FAM184B: variants seen among roughly 807,000 people sequenced by gnomAD.
FAM184B encodes family with sequence similarity 184 member B.
Under a neutral mutation model 135.9 loss-of-function variants are expected in FAM184B, and 111 were observed. The observed-to-expected ratio is 0.82, with a 90% CI of 0.70 to 0.96. The LOEUF (loss-of-function observed/expected upper bound fraction) is 0.96, where lower values mean the gene tolerates loss of function less well. Ranked by LOEUF, FAM184B falls within the 40% of genes least tolerant of loss-of-function variation. The pLI is 0.00. For synonymous variants in FAM184B, 552 were observed against 524.8 expected (o/e 1.05, Z -0.71); for missense variants, 1,375 against 1,323.9 (o/e 1.04, Z -0.60).
chr4:17,697,413 A>G (rs564565253), intron 5 of FAM184B, among the ~76,000 whole-genome samples: 3 of 140,412 alleles, frequency 2.1e-5, no homozygotes, highest in Non-Finnish European at 4.6e-5. Flanking sequence ...AGAAGAAAAA[A>G]AAACCCTGGA....
chr4:17,746,354 T>C (rs1264678935), intron 1 of FAM184B, among the ~76,000 whole-genome samples: 2 of 152,134 alleles, frequency 1.3e-5, no homozygotes, highest in Non-Finnish European at 2.9e-5. Context: ...CTCTACACAT[T>C]ATGTGAATGA....
Position 17,774,134 on chromosome 4 carries a change from T to C in FAM184B, c.141+7025A>G, listed in dbSNP as rs560865698. Among the ~76,000 whole-genome samples, 13 of 152,240 alleles carry C rather than the reference T, an allele frequency of 8.5e-5. No homozygotes were observed. In the South Asian group the frequency reaches 2.7e-3, roughly 32 times the overall value. On this transcript the variant is annotated intron_variant, in intron 1 of 17. Coordinates refer to ENST00000265018, the MANE Select transcript of FAM184B (RefSeq NM_015688.2). ...GCTCACGCCTGCAACCCTAGCACTC[T>C]GGAAGGCTGAGGTGGGAGGATTTCT...
At chr4:17,693,077 G>A (rs903785860) in intron 6 of FAM184B, among the ~76,000 whole-genome samples, 3 of 151,678 alleles carry the variant, frequency 2.0e-5, no homozygotes, top group African/African-American at 7.3e-5. Flanking sequence ...CAACACCAGC[G>A]GCCTCCTGTG....
rs565196641 is a variant in FAM184B, at chr4:17,650,932, C to T, written c.2191+1898G>A. Among the ~76,000 whole-genome samples, 14 of 152,080 alleles carry T rather than the reference C, an allele frequency of 9.2e-5. No homozygotes were observed. In the South Asian group the frequency reaches 2.5e-3, roughly 27 times the overall value. On this transcript the variant is annotated intron_variant, in intron 11 of 17. Transcript: ENST00000265018. Reference sequence around the variant, plus strand: ...TTTTTTTAAAGAGATGGGGGTCTTGCTATGTTGTCCAGGCTGGTCTTGAAC... The same window carrying T: ...TTTTTTTAAAGAGATGGGGGTCTTGTTATGTTGTCCAGGCTGGTCTTGAAC...
At chr4:17,708,714 C>A (rs113156057) in intron 2 of FAM184B, among the ~76,000 whole-genome samples, 178 bp downstream of exon 2, 3 of 57,054 alleles carry the variant, frequency 5.3e-5, no homozygotes, top group African/African-American at 7.1e-5. Context: ...TATATAGTGT[C>A]TGTGTGTGTG....
chr4:17,742,127 T>C (rs1046396853), intron 1 of FAM184B, among the ~76,000 whole-genome samples: 1 of 115,274 alleles, frequency 8.7e-6, no homozygotes, highest in East Asian at 2.5e-4. Flanking sequence ...TACATATACA[T>C]ATACATATGA....
intron 1 of FAM184B, among the ~76,000 whole-genome samples, chr4:17,735,383 T>A (rs936484046): frequency 4.5e-4 from 69 of 152,092 alleles, no homozygotes; most frequent in African/African-American, 1.5e-3. Context: ...ATAAAAAAAA[T>A]TTTCATTTTT....
intron 5 of FAM184B, among the ~76,000 whole-genome samples, chr4:17,695,116 T>A (rs1186057133): frequency 6.6e-6 from 1 of 151,358 alleles, no homozygotes; most frequent in African/African-American, 2.4e-5. Context: ...AGGAGTGACG[T>A]GGTTGCAATT....
At chr4:17,715,780 T>TA (rs999212747) in intron 1 of FAM184B, among the ~76,000 whole-genome samples, 2 of 150,510 alleles carry the variant, frequency 1.3e-5, no homozygotes, top group East Asian at 2.0e-4. Context: ...CTTGTCAGTT[T>TA]AAAAAAAAAG....
rs139310830 is a variant in FAM184B, at chr4:17,737,576, A to C, written c.142-27932T>G. ...ATAGAATTTTAAGATCGTAAGCAAG[A>C]TATCACCAGGATCACCTTCCTCATT... is the stretch of plus-strand genomic sequence containing the variant. On this transcript the variant is annotated intron_variant, in intron 1 of 17. Transcript: ENST00000265018. Among the ~76,000 whole-genome samples the C allele has an allele frequency of 1.5e-4, 23 of 152,328 alleles. 1 individual carries two copies. In the East Asian group the frequency reaches 2.1e-3, roughly 14 times the overall value.
chr4:17,661,981 C>T (rs1200509947), intron 8 of FAM184B, among the ~76,000 whole-genome samples: 1 of 152,200 alleles, frequency 6.6e-6, no homozygotes, highest in Non-Finnish European at 1.5e-5. Context: ...ACATCTCAAT[C>T]AAAATAAAGA....
In FAM184B at chr4:17,632,633, C is replaced by A. The variant is rs200853092; in HGVS notation, c.3090-8G>T. 4.6e-6 allele frequency: 7 copies of A among 1,527,454 alleles called. No homozygotes were observed. The highest frequency in any genetic ancestry group is 1.4e-5 in the African/African-American group (1 of 72,100). The allele number at this position is 1,527,454 out of a possible 1,614,324, so 94.6% of individuals were successfully genotyped here. A position where few individuals can be genotyped will look rare whatever the true frequency, so the allele number is the denominator to read the frequency against. On this transcript the variant is annotated splice_region_variant and splice_polypyrimidine_tract_variant and intron_variant, in intron 17 of 17. Coordinates refer to ENST00000265018, the MANE Select transcript of FAM184B (RefSeq NM_015688.2). ...GTTTCACCATCTGGGGTCCTAAAAG[C>A]AAAAAAAGGTTTTTTTATATGGTTT...
chr4:17,635,537 A>G (rs1715098565), intron 15 of FAM184B, among the ~76,000 whole-genome samples: 1 of 151,874 alleles, frequency 6.6e-6, no homozygotes, highest in Non-Finnish European at 1.5e-5. Context: ...TACCTATAAT[A>G]ACTATATGGC....
At chr4:17,755,695 T>G (rs1268452230) in intron 1 of FAM184B, among the ~76,000 whole-genome samples, 3 of 152,152 alleles carry the variant, frequency 2.0e-5, no homozygotes, top group African/African-American at 7.2e-5. Flanking sequence ...AAAGAAAATG[T>G]GGTACATATA....
Position 17,664,687 on chromosome 4 carries a change from A to G in FAM184B, c.1597-28T>C, listed in dbSNP as rs1385939717. On this transcript the variant is annotated intron_variant, in intron 7 of 17. Coordinates refer to ENST00000265018, the MANE Select transcript of FAM184B (RefSeq NM_015688.2). ...AAGGCCAAAAAAGAAAAAGAAAAAAAAAAAAAAGGCAAGATGAGCTTAAGT... is the reference window on the plus strand; with the variant it reads ...AAGGCCAAAAAAGAAAAAGAAAAAAGAAAAAAAGGCAAGATGAGCTTAAGT... 51 of 1,510,452 alleles carry G rather than the reference A, an allele frequency of 3.4e-5. 1 individual carries two copies. Among genetic ancestry groups the G allele is most frequent in the Admixed American group, 1.1e-4 (5 of 45,834 alleles). The allele number at this position is 1,510,452 out of a possible 1,614,324, so 93.6% of individuals were successfully genotyped here.
At chr4:17,634,597 T>TA (rs369253437) in intron 16 of FAM184B, among the ~76,000 whole-genome samples, 5 of 152,336 alleles carry the variant, frequency 3.3e-5, no homozygotes, top group South Asian at 2.1e-4. Flanking sequence ...GTGCTGGGAT[T>TA]ACAGGTGTGA....
intron 1 of FAM184B, among the ~76,000 whole-genome samples, chr4:17,771,577 T>G (rs1235758029): frequency 6.6e-6 from 1 of 152,200 alleles, no homozygotes; most frequent in Non-Finnish European, 1.5e-5. Flanking sequence ...AACAAGCTCC[T>G]GCAAGCAAGA....
chr4:17,717,729 G>A (rs993154306), intron 1 of FAM184B, among the ~76,000 whole-genome samples: 2 of 152,012 alleles, frequency 1.3e-5, no homozygotes, highest in African/African-American at 4.8e-5. Flanking sequence ...TGGCTTTTAA[G>A]CATCAGATCC....
At chr4:17,645,057 A>C (rs2108932740) in intron 12 of FAM184B, among the ~76,000 whole-genome samples, 1 of 152,304 alleles carries the variant, frequency 6.6e-6, no homozygotes, top group East Asian at 1.9e-4. Flanking sequence ...AAGAACTACA[A>C]ACCACTGCTC....
Sources: gnomAD v4.1 joint callset for allele counts (sites outside exome capture counted in the v4.1 genomes callset) on GRCh38, gnomAD v4.1.1 for gene constraint, MANE v1.5 for transcripts, NCBI Gene and HGNC (gene_info 2026-07-23, HGNC 2026-07-21) for gene names.